The following NOTCH2NLR variants were observed in gnomAD, a reference collection of about 807,000 sequenced individuals.
NOTCH2NLR encodes notch 2 N-terminal like R, also known as notch 2 N-terminal like R (pseudogene).
Under a neutral mutation model 35.6 loss-of-function variants are expected in NOTCH2NLR, and 33 were observed. The observed-to-expected ratio is 0.93, with a 90% confidence interval of 0.70 to 1.24. The LOEUF is 1.24. Ranked by LOEUF, NOTCH2NLR falls within the 50% of genes most tolerant of loss-of-function variation. The pLI, the probability that NOTCH2NLR is intolerant of heterozygous loss-of-function variation, is 0.00. For synonymous variants in NOTCH2NLR, 103 were observed against 141.0 expected, an observed-to-expected ratio of 0.73 and a Z score of 1.91; for missense variants, 276 against 362.2, an observed-to-expected ratio of 0.76 and a Z score of 1.93.
rs1436381509 is a variant in NOTCH2NLR, at chr1:120,793,597, G to C, written c.751+101G>C. On this transcript the variant is annotated intron_variant, in intron 4 of 4. Transcript: ENST00000624419. ...ATTTTTTAGGAAGCGCAAGGAAAAA[G>C]GGAAGTGAGAATTTTGTGTGGGGTG... 2.9e-4 allele frequency: 263 copies of C among 910,134 alleles called. 57 individuals carry two copies. In the South Asian group the frequency reaches 3.9e-3, roughly 13 times the overall value. 56.4% of individuals were successfully genotyped at this position (910,134 alleles called of 1,614,324 possible).
In NOTCH2NLR at chr1:120,792,506, ATTT is replaced by A. The variant is rs1281049564; in HGVS notation, c.416-644_416-642del. 1.2e-4 allele frequency among the ~76,000 whole-genome samples: 12 copies of A among 101,514 alleles called. 4 individuals carry two copies. Among genetic ancestry groups the A allele is most frequent in the African/African-American group, 7.3e-4 (12 of 16,444 alleles). 66.6% of individuals were successfully genotyped at this position (101,514 alleles called of 152,430 possible). ...CACTAGGAAAACAGAAGGGAAGTTG[ATTT>A]TTTTTTTTTTGAAATAGAGTCTTGC... On this transcript the variant is annotated intron_variant, in intron 3 of 4. Coordinates refer to ENST00000624419, the Ensembl canonical transcript of NOTCH2NLR.
intron 2 of NOTCH2NLR, among the ~76,000 whole-genome samples, chr1:120,770,923 G>T (rs1425920412): frequency 8.9e-6 from 1 of 112,320 alleles, no homozygotes. Context: ...AGTAGCATTA[G>T]GTAGGCCTGA....
chr1:120,764,143 A>T (rs1171641434), intron 2 of NOTCH2NLR, among the ~76,000 whole-genome samples: 1 of 112,760 alleles, frequency 8.9e-6, no homozygotes, highest in Non-Finnish European at 1.7e-5. Context: ...GCTACTCGGG[A>T]GGCTGAGGCA....
intron 2 of NOTCH2NLR, among the ~76,000 whole-genome samples, chr1:120,783,857 G>A (rs1442079071): frequency 4.6e-5 from 5 of 107,720 alleles, no homozygotes; most frequent in East Asian, 2.3e-4. Context: ...TGATTAAAAC[G>A]GTACATGGAG....
chr1:120,779,795 CT>C (rs1651341635), intron 2 of NOTCH2NLR, among the ~76,000 whole-genome samples: 1 of 121,742 alleles, frequency 8.2e-6, no homozygotes, highest in Non-Finnish European at 1.7e-5. Flanking sequence ...AGCAGAGAAC[CT>C]TACTTTCCAC....
At chr1:120,737,784 G>A (rs1482002054) in intron 1 of NOTCH2NLR, among the ~76,000 whole-genome samples, 3 of 122,492 alleles carry the variant, frequency 2.4e-5, no homozygotes, top group East Asian at 2.0e-4. Flanking sequence ...CTCAGAAAAG[G>A]GCTTTATATT....
chr1:120,763,365 A>G (rs1651153376), intron 1 of NOTCH2NLR, among the ~76,000 whole-genome samples: 1 of 99,244 alleles, frequency 1.0e-5, no homozygotes, highest in Non-Finnish European at 1.8e-5. Context: ...TTTAATTGGG[A>G]GATGGAGATG....
intron 1 of NOTCH2NLR, among the ~76,000 whole-genome samples, chr1:120,743,711 T>A (rs1650955142): frequency 9.1e-6 from 1 of 109,578 alleles, no homozygotes. Context: ...ACCTTGTTCA[T>A]TTTTTGAGAA....
Position 120,784,271 on chromosome 1 carries a change from G to C in NOTCH2NLR, c.156-703G>C, listed in dbSNP as rs1323608849. Among the ~76,000 whole-genome samples, 2 of 118,188 alleles carry C rather than the reference G, an allele frequency of 1.7e-5. 1 individual carries two copies. Among genetic ancestry groups the C allele is most frequent in the Non-Finnish European group, 3.3e-5 (2 of 61,390 alleles). The allele number at this position is 118,188 out of a possible 152,430, so 77.5% of individuals were successfully genotyped here. A position where few individuals can be genotyped will look rare whatever the true frequency, so the allele number is the denominator to read the frequency against. ...AGCAAATATATGGTTCTGTACACCG[G>C]CTTTAGGAGAGTAAGTCTGTTGTAC... On this transcript the variant is annotated intron_variant, in intron 2 of 4. Coordinates refer to ENST00000624419, the Ensembl canonical transcript of NOTCH2NLR.
Position 120,724,298 on chromosome 1 carries a change from C to T in NOTCH2NLR, c.73+48C>T. On this transcript the variant is annotated intron_variant, in intron 1 of 4. Transcript: ENST00000624419. Reference sequence around the variant, plus strand: ...CTGTCCGCGGCGCCCGGGGCTGCCACCTGGGGCGACCCTTCTCCCCCTCAG... The same window carrying T: ...CTGTCCGCGGCGCCCGGGGCTGCCATCTGGGGCGACCCTTCTCCCCCTCAG... 4.4e-6 allele frequency: 6 copies of T among 1,367,050 alleles called. 1 individual carries two copies. The highest frequency in any genetic ancestry group is 5.7e-6 in the Non-Finnish European group (6 of 1,049,206). 84.7% of individuals were successfully genotyped at this position (1,367,050 alleles called of 1,614,324 possible). A position where few individuals can be genotyped will look rare whatever the true frequency, so the allele number is the denominator to read the frequency against.
chr1:120,777,600 A>T (rs1433888283), intron 2 of NOTCH2NLR, among the ~76,000 whole-genome samples: 1 of 89,682 alleles, frequency 1.1e-5, no homozygotes, highest in Admixed American at 1.1e-4. Context: ...ACTTTTTTTT[A>T]AAGTTCTTTT....
intron 1 of NOTCH2NLR, among the ~76,000 whole-genome samples, chr1:120,736,360 T>A: frequency 2.0e-5 from 1 of 49,666 alleles, no homozygotes; most frequent in East Asian, 4.3e-4. Flanking sequence ...CATTGGACAG[T>A]ACCAGGCACA....
chr1:120,785,116 G>A, exon 3 of NOTCH2NLR: 1 of 1,446,280 alleles, frequency 6.9e-7, no homozygotes, highest in Admixed American at 1.9e-5. Flanking sequence ...TACAGGAGAG[G>A]ACTGCCAGTA....
chr1:120,734,403 T>G lies in NOTCH2NLR; in HGVS notation c.73+10153T>G, dbSNP rs1320997363. On this transcript the variant is annotated intron_variant, in intron 1 of 4. Coordinates refer to ENST00000624419, the Ensembl canonical transcript of NOTCH2NLR. ...AAACCTATTTGAAGGATTACAATAT[T>G]TTCTTTTTTTTTTTTTTAATGGTGT... Among the ~76,000 whole-genome samples, 25 of 91,904 alleles carry G rather than the reference T, an allele frequency of 2.7e-4. 5 individuals are homozygous for G. Among genetic ancestry groups the G allele is most frequent in the Middle Eastern group, 4.1e-3 (1 of 246 alleles). 60.3% of individuals were successfully genotyped at this position (91,904 alleles called of 152,430 possible).
intron 3 of NOTCH2NLR, 26 bp from the exon 4 acceptor site, chr1:120,793,135 A>G: frequency 1.9e-6 from 2 of 1,056,226 alleles, no homozygotes; most frequent in Non-Finnish European, 2.7e-6. Context: ...TGTGGCCAGT[A>G]CTGAGTTTTG....
rs1651076328 is a variant in NOTCH2NLR, at chr1:120,755,994, G to A, written c.74-7634G>A. On this transcript the variant is annotated intron_variant, in intron 1 of 4. Coordinates refer to ENST00000624419, the Ensembl canonical transcript of NOTCH2NLR. Reference sequence around the variant, plus strand: ...ACAAATTTCAAGGAGGAAGACAGATGTTTCTCCACTTCGTTTTTATTTAAA... The same window carrying A: ...ACAAATTTCAAGGAGGAAGACAGATATTTCTCCACTTCGTTTTTATTTAAA... Among the ~76,000 whole-genome samples the A allele has an allele frequency of 2.9e-5, 3 of 103,632 alleles. 1 individual carries two copies. Among genetic ancestry groups the A allele is most frequent in the Admixed American group, 9.6e-5 (1 of 10,444 alleles). 68.0% of individuals were successfully genotyped at this position (103,632 alleles called of 152,430 possible). A position where few individuals can be genotyped will look rare whatever the true frequency, so the allele number is the denominator to read the frequency against.
rs1482703772 is a variant in NOTCH2NLR, at chr1:120,779,383, T to C, written c.156-5591T>C. Among the ~76,000 whole-genome samples, 5 of 101,218 alleles carry C rather than the reference T, an allele frequency of 4.9e-5. 1 individual carries two copies. Among genetic ancestry groups the C allele is most frequent in the Non-Finnish European group, 9.5e-5 (5 of 52,358 alleles). The allele number at this position is 101,218 out of a possible 152,430, so 66.4% of individuals were successfully genotyped here. Reference sequence around the variant, plus strand: ...CCTGGTAAGTATTCAGATTAGTTTATGGAGTTTAAAATGGAAAAATGCTCC... The same window carrying C: ...CCTGGTAAGTATTCAGATTAGTTTACGGAGTTTAAAATGGAAAAATGCTCC... On this transcript the variant is annotated intron_variant, in intron 2 of 4. Transcript: ENST00000624419.
At chr1:120,793,123 T>A in intron 3 of NOTCH2NLR, 38 bp from the exon 4 acceptor site, 1 of 884,282 alleles carries the variant, frequency 1.1e-6, no homozygotes, top group East Asian at 2.5e-5. Flanking sequence ...ATCTCCTATT[T>A]CTGTGGCCAG....
chr1:120,793,449 C>T, exon 4 of NOTCH2NLR: 2 of 1,435,150 alleles, frequency 1.4e-6, no homozygotes, highest in South Asian at 1.2e-5. Context: ...AATGGAGGCA[C>T]CTGTCGGCAG....
Sources: allele counts gnomAD v4.1 joint callset (sites outside exome capture counted in the v4.1 genomes callset), GRCh38; gene constraint gnomAD v4.1.1; transcripts MANE v1.5; gene names NCBI Gene and HGNC (gene_info 2026-07-23, HGNC 2026-07-21).